AEBP2: variants seen among roughly 807,000 people sequenced by gnomAD.
AEBP2 encodes the protein AE binding protein 2.
In AEBP2, 10 loss-of-function variants were observed where a neutral mutation model predicts 50.8. The observed-to-expected ratio is 0.20, with a 90% CI of 0.12 to 0.33. The LOEUF (loss-of-function observed/expected upper bound fraction) is 0.33. Among genes scored for constraint, AEBP2 ranks in the 10% least tolerant of loss-of-function variants. The pLI is 1.00. For missense variants in AEBP2, 570 were observed against 688.0 expected (o/e 0.83, Z 1.92); for synonymous variants, 296 against 261.3 (o/e 1.13, Z -1.28).
At chr12:19,512,577 A>G in intron 6 of AEBP2, 112 bp downstream of exon 6, 2 of 778,754 alleles carry the variant, frequency 2.6e-6, no homozygotes, top group East Asian at 2.8e-5. Flanking sequence ...TACATTTTAC[A>G]ACGTTTTGAG....
chr12:19,480,114 T>C (rs1565723529), intron 3 of AEBP2, among the ~76,000 whole-genome samples: 1 of 152,140 alleles, frequency 6.6e-6, no homozygotes, highest in African/African-American at 2.4e-5. Flanking sequence ...CTTTTTGTCT[T>C]GTTTTTGTCA....
rs115557198 is a variant in AEBP2, at chr12:19,471,505, A to T, written c.880-1743A>T. Among the ~76,000 whole-genome samples the T allele has an allele frequency of 5.3e-3, 796 of 150,576 alleles. 6 individuals are homozygous for T. The highest frequency in any genetic ancestry group is 0.018 in the African/African-American group (760 of 41,354). On this transcript the variant is annotated intron_variant, in intron 2 of 7. Coordinates refer to ENST00000266508, the MANE Select transcript of AEBP2 (RefSeq NM_153207.5). ...TATTGAATTAATTTCTATAGCATTT[A>T]AGTTTTTTTTTTTGGAGAGAAGGTC...
chr12:19,447,086 G>A (rs370793221), intron 1 of AEBP2, among the ~76,000 whole-genome samples: 175 of 152,324 alleles, frequency 1.1e-3, no homozygotes, highest in Admixed American at 2.4e-3. Context: ...AGGAATGAGC[G>A]TAGCATGTTC....
At chr12:19,473,856 A>G (rs532830900) in intron 3 of AEBP2, among the ~76,000 whole-genome samples, 4 of 152,304 alleles carry the variant, frequency 2.6e-5, no homozygotes, top group African/African-American at 9.6e-5. Flanking sequence ...AGCTCATTTG[A>G]TCAATTTTTT....
chr12:19,501,652 T>A (rs886149994), intron 5 of AEBP2, among the ~76,000 whole-genome samples: 12 of 150,620 alleles, frequency 8.0e-5, no homozygotes, highest in South Asian at 2.1e-4. Flanking sequence ...AAAAAAATTA[T>A]ATATACACTA....
Position 19,500,106 on chromosome 12 carries a change from A to G in AEBP2, c.1184A>G (p.His395Arg), listed in dbSNP as rs1419087330. Residue 395 changes from histidine (H) to arginine (R), a missense_variant, in exon 5 of 8, where the codon CAT (histidine) becomes CGT (arginine). His to Arg is a conservative substitution (Grantham distance 29). Transcript: ENST00000266508. ...NKRRRSLPRP[H>R]DFFDAQTLDA... ...TTATGTTGACTTTTAGCACGGCCAC[A>G]TGATTTCTTCGATGCACAAACACTG... The G allele has an allele frequency of 3.1e-6, 5 of 1,605,728 alleles. No homozygotes were observed. Among genetic ancestry groups the G allele is most frequent in the South Asian group, 2.2e-5 (2 of 88,946 alleles).
chr12:19,469,758 A>C (rs368935259), intron 2 of AEBP2, among the ~76,000 whole-genome samples: 1 of 152,052 alleles, frequency 6.6e-6, no homozygotes, highest in African/African-American at 2.4e-5. Flanking sequence ...GTTGTTTTCT[A>C]TTTCTGTTAT....
upstream of AEBP2, among the ~76,000 whole-genome samples, chr12:19,435,946 A>G (rs1233110135): frequency 6.6e-6 from 1 of 152,158 alleles, no homozygotes; most frequent in Non-Finnish European, 1.5e-5. Flanking sequence ...TTCGAACCAC[A>G]GCGACTCGCA....
chr12:19,429,152 G>A lies in AEBP2; in HGVS notation c.-17+24936G>A, dbSNP rs189461638. On this transcript the variant is annotated intron_variant, in intron 1 of 3. Coordinates refer to the AEBP2 transcript ENST00000538425. ...ATCCTCTCACCCCACAACAGGCCCC[G>A]GTGTGTGATGTTCCCCTTCCTGTGT... Among the ~76,000 whole-genome samples the A allele has an allele frequency of 3.9e-3, 589 of 152,140 alleles. 4 individuals carry two copies. The highest frequency in any genetic ancestry group is 0.014 in the African/African-American group (561 of 41,512).
At chr12:19,498,443 T>C (rs1278626041) in intron 4 of AEBP2, among the ~76,000 whole-genome samples, 1 of 152,230 alleles carries the variant, frequency 6.6e-6, no homozygotes, top group South Asian at 2.1e-4. Flanking sequence ...CCTGTTTGTT[T>C]AGGTATGTTC....
chr12:19,460,915 A>G (rs138494833), intron 1 of AEBP2, among the ~76,000 whole-genome samples: 8,682 of 151,236 alleles, frequency 0.057, 535 homozygotes, highest in Admixed American at 0.15. Flanking sequence ...CGGCCTCCCA[A>G]AGTGCTGCGA....
chr12:19,431,235 C>G (rs1213515534), intron 1 of AEBP2, among the ~76,000 whole-genome samples: 1 of 152,104 alleles, frequency 6.6e-6, no homozygotes, highest in Non-Finnish European at 1.5e-5. Flanking sequence ...GTTGATTTAT[C>G]CAGACTGCTG....
At chr12:19,479,553 A>G (rs76858956) in intron 3 of AEBP2, among the ~76,000 whole-genome samples, 3,278 of 152,048 alleles carry the variant, frequency 0.022, 42 homozygotes, top group East Asian at 0.043. Context: ...TGCTAGGATT[A>G]TTATTATTTT....
chr12:19,453,483 G>A (rs1305561551), intron 1 of AEBP2, among the ~76,000 whole-genome samples: 3 of 150,524 alleles, frequency 2.0e-5, no homozygotes, highest in East Asian at 2.0e-4. Context: ...GCAGTGGCTC[G>A]ATTGAGCTCA....
intron 1 of AEBP2, among the ~76,000 whole-genome samples, chr12:19,462,090 C>T (rs1431036669): frequency 3.3e-5 from 5 of 152,068 alleles, no homozygotes; most frequent in Non-Finnish European, 7.3e-5. Context: ...TTCAGGTCAA[C>T]AAGTGATTTG....
intron 1 of AEBP2, among the ~76,000 whole-genome samples, chr12:19,430,995 G>C (rs145453047): frequency 7.3e-6 from 1 of 136,596 alleles, no homozygotes; most frequent in African/African-American, 2.8e-5. Context: ...CCAGGCAATA[G>C]AGCCAGACCC....
At chr12:19,489,140 T>G (rs1301845457) in intron 3 of AEBP2, among the ~76,000 whole-genome samples, 1 of 152,134 alleles carries the variant, frequency 6.6e-6, no homozygotes, top group African/African-American at 2.4e-5. Flanking sequence ...TTTAAAACAG[T>G]CAATGTTTGT....
intron 1 of AEBP2, among the ~76,000 whole-genome samples, chr12:19,446,952 A>G (rs984549641): frequency 2.0e-5 from 3 of 152,066 alleles, no homozygotes; most frequent in African/African-American, 7.2e-5. Flanking sequence ...AAACAAAAAA[A>G]TTAGAGTTGG....
intron 3 of AEBP2, among the ~76,000 whole-genome samples, chr12:19,485,745 C>G (rs1212710473): frequency 6.6e-6 from 1 of 150,424 alleles, no homozygotes; most frequent in East Asian, 2.0e-4. Context: ...CCTCTATACT[C>G]AGGGAACTTG....
Sources: allele counts gnomAD v4.1 joint callset (sites outside exome capture counted in the v4.1 genomes callset), GRCh38; gene constraint gnomAD v4.1.1; transcripts MANE v1.5; gene names NCBI Gene and HGNC (gene_info 2026-07-23, HGNC 2026-07-21).